Variants in NKAIN3 observed in about 807,000 individuals in gnomAD.
NKAIN3 encodes the protein sodium/potassium-transporting ATPase subunit beta-1-interacting protein 3.
In NKAIN3, 25 loss-of-function variants were observed where a neutral mutation model predicts 30.2. The ratio of observed to expected loss-of-function variants is 0.83; its 90% confidence interval spans 0.60 to 1.16. The LOEUF (loss-of-function observed/expected upper bound fraction) is 1.16. Among genes scored for constraint, NKAIN3 ranks in the 50% most tolerant of loss-of-function variants. The probability of loss-of-function intolerance (pLI) is 0.00; values close to 1 mark genes in which losing one functional copy is unlikely to be tolerated. For missense variants in NKAIN3, 225 were observed against 254.1 expected (o/e 0.89, Z 0.78); for synonymous variants, 91 against 89.6 (o/e 1.02, Z -0.09).
At chr8:62,960,507 C>A (rs1297298657) in intron 6 of NKAIN3, among the ~76,000 whole-genome samples, 1 of 151,532 alleles carries the variant, frequency 6.6e-6, no homozygotes, top group African/African-American at 2.4e-5. Context: ...TCCACCACCA[C>A]CCCTGAAAAA....
intron 1 of NKAIN3, among the ~76,000 whole-genome samples, chr8:62,456,827 A>G (rs1805838648): frequency 6.6e-6 from 1 of 152,256 alleles, no homozygotes; most frequent in South Asian, 2.1e-4. Context: ...ATCAGGTGAT[A>G]AATAATCCTA....
At chr8:62,434,647 A>G (rs888573395) in intron 1 of NKAIN3, among the ~76,000 whole-genome samples, 5 of 152,204 alleles carry the variant, frequency 3.3e-5, no homozygotes, top group Non-Finnish European at 5.9e-5. Flanking sequence ...CATTCCTTCT[A>G]ATAAAGTCTT....
chr8:62,476,945 A>G, intron 1 of NKAIN3, among the ~76,000 whole-genome samples: 1 of 152,200 alleles, frequency 6.6e-6, no homozygotes, highest in East Asian at 1.9e-4. Context: ...ATGAAAGGCA[A>G]GGAAGAATGC....
intron 1 of NKAIN3, among the ~76,000 whole-genome samples, chr8:62,340,333 G>T (rs184651469): frequency 2.0e-3 from 302 of 152,000 alleles, no homozygotes; most frequent in African/African-American, 7.1e-3. Context: ...TCAAATGAGG[G>T]TCTTCAAGGG....
intron 1 of NKAIN3, among the ~76,000 whole-genome samples, chr8:62,384,314 A>G (rs1817362272): frequency 6.6e-6 from 1 of 152,130 alleles, no homozygotes; most frequent in Non-Finnish European, 1.5e-5. Context: ...ATGATTTAAC[A>G]TTGCATGTTT....
intron 1 of NKAIN3, among the ~76,000 whole-genome samples, chr8:62,275,382 T>C (rs1447675362): frequency 2.0e-5 from 3 of 152,230 alleles, no homozygotes; most frequent in African/African-American, 7.2e-5. Flanking sequence ...AAGTTAAATT[T>C]CCTTTTAAGG....
At chr8:62,299,665 A>T (rs934800959) in intron 1 of NKAIN3, among the ~76,000 whole-genome samples, 2 of 152,162 alleles carry the variant, frequency 1.3e-5, no homozygotes, top group Non-Finnish European at 2.9e-5. Flanking sequence ...GACTCAAAAA[A>T]AAAGGAACAC....
chr8:62,568,429 A>G (rs1183844152), intron 1 of NKAIN3, among the ~76,000 whole-genome samples: 1 of 152,174 alleles, frequency 6.6e-6, no homozygotes, highest in Non-Finnish European at 1.5e-5. Context: ...TTTCTTTAAT[A>G]TATTTGCCTT....
At chr8:62,561,421 C>A (rs1377370277) in intron 1 of NKAIN3, among the ~76,000 whole-genome samples, 4 of 152,090 alleles carry the variant, frequency 2.6e-5, no homozygotes, top group Non-Finnish European at 4.4e-5. Context: ...TATAAACTTG[C>A]TACTGCAGAT....
rs1020843925 is a variant in NKAIN3, at chr8:62,967,175, C to G, written c.*1768C>G. Among the ~76,000 whole-genome samples the G allele has an allele frequency of 1.3e-5, 2 of 152,152 alleles. No homozygotes were observed. Among genetic ancestry groups the G allele is most frequent in the African/African-American group, 4.8e-5 (2 of 41,438 alleles). On this transcript the variant is annotated 3_prime_UTR_variant, in exon 7 of 7. Coordinates refer to ENST00000623646, the MANE Select transcript of NKAIN3 (RefSeq NM_001304533.3). ...AGCCACTATTCTGCAGATGAGGGGGCTGAAGCCTAAGGGATTTGGTGAACT... is the reference window on the plus strand; with the variant it reads ...AGCCACTATTCTGCAGATGAGGGGGGTGAAGCCTAAGGGATTTGGTGAACT...
chr8:62,787,380 G>C (rs1205765932), intron 4 of NKAIN3, among the ~76,000 whole-genome samples: 4 of 152,172 alleles, frequency 2.6e-5, no homozygotes, highest in African/African-American at 9.6e-5. Flanking sequence ...AAAGAAAATA[G>C]TCAAAAATAA....
intron 4 of NKAIN3, among the ~76,000 whole-genome samples, chr8:62,757,492 T>C (rs1816492433): frequency 6.6e-6 from 1 of 152,154 alleles, no homozygotes; most frequent in Admixed American, 6.6e-5. Flanking sequence ...CTAAACAAGG[T>C]TGAATTGACG....
intron 3 of NKAIN3, among the ~76,000 whole-genome samples, chr8:62,684,059 A>G (rs982733195): frequency 2.0e-5 from 3 of 152,172 alleles, no homozygotes; most frequent in African/African-American, 7.2e-5. Flanking sequence ...TCAAATACAG[A>G]CTGCAGCCAA....
At chr8:62,799,426 CA>C (rs1817981458) in intron 4 of NKAIN3, among the ~76,000 whole-genome samples, 1 of 152,096 alleles carries the variant, frequency 6.6e-6, no homozygotes, top group African/African-American at 2.4e-5. Context: ...TACAAATAGC[CA>C]ACAAGCATAC....
chr8:62,506,350 C>A (rs1051239041), intron 1 of NKAIN3, among the ~76,000 whole-genome samples: 1 of 152,010 alleles, frequency 6.6e-6, no homozygotes, highest in African/African-American at 2.4e-5. Flanking sequence ...ATTCTACACC[C>A]CTCCCGTAAA....
intron 3 of NKAIN3, among the ~76,000 whole-genome samples, chr8:62,709,152 T>C (rs901499290): frequency 2.0e-5 from 3 of 152,168 alleles, no homozygotes; most frequent in Non-Finnish European, 2.9e-5. Flanking sequence ...TTTAGCATCA[T>C]GTTCATCAAG....
intron 3 of NKAIN3, among the ~76,000 whole-genome samples, chr8:62,598,217 A>G (rs752332133): frequency 3.3e-5 from 5 of 152,186 alleles, no homozygotes; most frequent in Admixed American, 3.3e-4. Flanking sequence ...CTCAACAGCA[A>G]GAGGGGAACC....
At chr8:62,560,531 C>CT (rs869256384) in intron 1 of NKAIN3, among the ~76,000 whole-genome samples, 9,574 of 45,130 alleles carry the variant, frequency 0.21, 1,818 homozygotes, top group Non-Finnish European at 0.27. Flanking sequence ...TTTTTCTTTT[C>CT]TTTTTTTTTT....
At chr8:62,406,289 C>T (rs896575108) in intron 1 of NKAIN3, among the ~76,000 whole-genome samples, 6 of 152,112 alleles carry the variant, frequency 3.9e-5, no homozygotes, top group African/African-American at 1.4e-4. Context: ...TGGAGAAGAC[C>T]TCACCTCACC....
Sources: allele counts gnomAD v4.1 joint callset (sites outside exome capture counted in the v4.1 genomes callset), GRCh38; gene constraint gnomAD v4.1.1; transcripts MANE v1.5; gene names NCBI Gene and HGNC (gene_info 2026-07-23, HGNC 2026-07-21).